The following CELF4 variants were observed in gnomAD, a reference collection of about 807,000 sequenced individuals.
CELF4 encodes the protein CUG-BP- and ETR-3-like factor 4.
CELF4 carries 18 observed loss-of-function variants against 59.9 expected under a neutral mutation model. The ratio of observed to expected loss-of-function variants is 0.30; its 90% CI spans 0.21 to 0.45. The LOEUF (loss-of-function observed/expected upper bound fraction) is 0.45, where lower values mean the gene tolerates loss of function less well. CELF4 is among the 20% of genes least tolerant of loss of function. The pLI, the probability that CELF4 is intolerant of heterozygous loss-of-function variation, is 1.00. For missense variants in CELF4, 456 were observed against 689.0 expected (o/e 0.66, Z 3.79); for synonymous variants, 261 against 267.1 (o/e 0.98, Z 0.22).
At chr18:37,563,342 G>T (rs2099987151) in intron 1 of CELF4, among the ~76,000 whole-genome samples, 1 of 152,098 alleles carries the variant, frequency 6.6e-6, no homozygotes, top group African/African-American at 2.4e-5. Context: ...ACTGTCTTTT[G>T]CCTCTAGTGA....
At chr18:37,396,819 G>C (rs137907030) in intron 2 of CELF4, among the ~76,000 whole-genome samples, 157 of 152,270 alleles carry the variant, frequency 1.0e-3, no homozygotes, top group African/African-American at 3.6e-3. Context: ...AAGCCACCAC[G>C]TGTGTTCCTC....
chr18:37,461,828 G>A (rs2099794451), intron 2 of CELF4, among the ~76,000 whole-genome samples: 2 of 152,214 alleles, frequency 1.3e-5, no homozygotes, highest in Non-Finnish European at 2.9e-5. Flanking sequence ...TGGAGGTAGA[G>A]GCCAGTGCAG....
chr18:37,327,994 C>T (rs977496203), intron 2 of CELF4, among the ~76,000 whole-genome samples: 9 of 152,192 alleles, frequency 5.9e-5, no homozygotes, highest in Non-Finnish European at 4.4e-5. Context: ...ACTCCTTTCT[C>T]TCTCTCATGC....
At chr18:37,286,773 T>G (rs538691502) in intron 3 of CELF4, among the ~76,000 whole-genome samples, 3 of 152,210 alleles carry the variant, frequency 2.0e-5, no homozygotes, top group African/African-American at 7.2e-5. Flanking sequence ...TCCCCACACC[T>G]GAACACTGTG....
chr18:37,483,373 G>T (rs1338958961), intron 2 of CELF4, among the ~76,000 whole-genome samples: 1 of 152,112 alleles, frequency 6.6e-6, no homozygotes, highest in Non-Finnish European at 1.5e-5. Context: ...CCCTCTGGTG[G>T]GCGTGCCTGC....
intron 1 of CELF4, among the ~76,000 whole-genome samples, chr18:37,512,945 C>T (rs769082506): frequency 3.9e-5 from 6 of 152,110 alleles, no homozygotes; most frequent in Non-Finnish European, 8.8e-5. Flanking sequence ...GCCTTCAGGG[C>T]CCATGGATGA....
chr18:37,548,798 A>G (rs1557340), intron 1 of CELF4, among the ~76,000 whole-genome samples: 17,569 of 152,278 alleles, frequency 0.12, 1,280 homozygotes, highest in Middle Eastern at 0.21. Flanking sequence ...AGCCAGAGCC[A>G]GCATGGGGCA....
intron 2 of CELF4, among the ~76,000 whole-genome samples, chr18:37,384,366 G>A (rs146904564): frequency 0.013 from 1,918 of 152,292 alleles, 61 homozygotes; most frequent in East Asian, 0.08. Context: ...CTCCGCTCTA[G>A]GGAGGGAGGC....
At chr18:37,385,749 T>C (rs952535506) in intron 2 of CELF4, among the ~76,000 whole-genome samples, 3 of 152,236 alleles carry the variant, frequency 2.0e-5, no homozygotes, top group Non-Finnish European at 4.4e-5. Flanking sequence ...TGGTTTCAAG[T>C]GCGAATCCTG....
intron 1 of CELF4, among the ~76,000 whole-genome samples, chr18:37,511,096 T>C (rs1332495749): frequency 6.6e-6 from 1 of 152,210 alleles, no homozygotes; most frequent in Non-Finnish European, 1.5e-5. Context: ...AAAGATTGAA[T>C]GATGAATAAA....
intron 3 of CELF4, among the ~76,000 whole-genome samples, chr18:37,306,932 T>G (rs9947829): frequency 0.45 from 68,958 of 152,094 alleles, 15,861 homozygotes; most frequent in South Asian, 0.57. Flanking sequence ...CAGCATCGCT[T>G]CATTTCTCAA....
At chr18:37,262,124 A>G (rs2074983048) in intron 10 of CELF4, among the ~76,000 whole-genome samples, 1 of 152,054 alleles carries the variant, frequency 6.6e-6, no homozygotes, top group Non-Finnish European at 1.5e-5. Flanking sequence ...CCCCAGCTCT[A>G]TGTGCTGCCA....
intron 2 of CELF4, among the ~76,000 whole-genome samples, chr18:37,388,622 C>G (rs527619527): frequency 1.3e-5 from 2 of 152,186 alleles, no homozygotes; most frequent in African/African-American, 4.8e-5. Flanking sequence ...CCTTCTAGGT[C>G]TGCTGCTGTC....
intron 1 of CELF4, among the ~76,000 whole-genome samples, chr18:37,548,632 T>G (rs1175920690): frequency 6.6e-6 from 1 of 152,176 alleles, no homozygotes; most frequent in Non-Finnish European, 1.5e-5. Flanking sequence ...TGCATGACAG[T>G]GACCCTGGAC....
chr18:37,443,281 C>T (rs973399446), intron 2 of CELF4, among the ~76,000 whole-genome samples: 3 of 151,988 alleles, frequency 2.0e-5, no homozygotes, highest in African/African-American at 7.2e-5. Context: ...AGACCTGGAC[C>T]ATCATTCTGC....
chr18:37,353,233 A>ATAT (rs1557327922), intron 2 of CELF4, among the ~76,000 whole-genome samples: 6,643 of 106,828 alleles, frequency 0.062, 262 homozygotes, highest in South Asian at 0.11. Flanking sequence ...AAAAAAAAAA[A>ATAT]ATATATATAT....
chr18:37,255,399 T>C (rs940958916), intron 11 of CELF4, among the ~76,000 whole-genome samples: 1 of 151,888 alleles, frequency 6.6e-6, no homozygotes, highest in Non-Finnish European at 1.5e-5. Context: ...CTCTCCTTCC[T>C]GCCTTGCTCA....
chr18:37,354,391 TG>T (rs942115282), intron 2 of CELF4, among the ~76,000 whole-genome samples: 2 of 151,728 alleles, frequency 1.3e-5, no homozygotes, highest in East Asian at 3.9e-4. Flanking sequence ...TGGGGACTGG[TG>T]GGGGGCGCAG....
At chr18:37,307,707 G>C (rs1460282664) in intron 3 of CELF4, among the ~76,000 whole-genome samples, 1 of 152,130 alleles carries the variant, frequency 6.6e-6, no homozygotes, top group Non-Finnish European at 1.5e-5. Context: ...AGCACAAGGA[G>C]GCTGTGGGGC....
Sources: allele counts gnomAD v4.1 joint callset (sites outside exome capture counted in the v4.1 genomes callset), GRCh38; gene constraint gnomAD v4.1.1; transcripts MANE v1.5; gene names NCBI Gene and HGNC (gene_info 2026-07-23, HGNC 2026-07-21).